Variants in LRIG3 observed in about 807,000 individuals in gnomAD.
LRIG3 encodes leucine rich repeats and immunoglobulin like domains 3, also known as leucine-rich repeats and immunoglobulin-like domains protein 3.
A neutral mutation model predicts 114.5 loss-of-function variants in LRIG3; 76 were observed. That is an observed-to-expected ratio of 0.66 (90% CI 0.55 to 0.80). The LOEUF is 0.80. Ranked by LOEUF, LRIG3 falls within the 30% of genes least tolerant of loss-of-function variation. The probability of loss-of-function intolerance (pLI) is 0.00; values close to 1 mark genes in which losing one functional copy is unlikely to be tolerated. For synonymous variants in LRIG3, 512 were observed against 519.8 expected (o/e 0.98, Z 0.20); for missense variants, 1,239 against 1,382.8 (o/e 0.90, Z 1.65).
At chr12:58,890,819 T>C (rs769883664) in intron 3 of LRIG3, 23 bp from the exon 4 acceptor site, 3 of 1,590,014 alleles carry the variant, frequency 1.9e-6, no homozygotes, top group Non-Finnish European at 2.6e-6. Flanking sequence ...GAAACCACAG[T>C]TAACAAGGTT....
rs1044963199 is a variant in LRIG3, at chr12:58,920,169, G to C, written c.67C>G (p.Arg23Gly). ...LGLLLCAVLG[R>G]AGRSDSGGRG... ...CCGCCGCTGTCTGACCGGCCAGCGC[G>C]CCCCAGCACCGCGCACAGCAGCAGC... The change falls in exon 1 of 19, where the codon CGC (arginine) becomes GGC (glycine). Residue 23 changes from arginine (R) to glycine (G), a missense_variant. Coordinates refer to ENST00000320743, the MANE Select transcript of LRIG3 (RefSeq NM_153377.5). 49 of 1,537,152 alleles carry C rather than the reference G, an allele frequency of 3.2e-5. No homozygotes were observed. Among genetic ancestry groups the C allele is most frequent in the Non-Finnish European group, 3.9e-5 (45 of 1,144,730 alleles).
At position 58,877,532 on chromosome 12, in the gene LRIG3, C is replaced by A. The variant is rs754352982; in HGVS notation, c.2404G>T (p.Asp802Tyr). The A allele has an allele frequency of 1.2e-6, 2 of 1,614,106 alleles. No homozygotes were observed. Among genetic ancestry groups the A allele is most frequent in the African/African-American group, 1.3e-5 (1 of 74,932 alleles). ...ACACCCACAGTGGCCCATCCGTCAT[C>A]GTCTAACGATGGGGCTGTCATCTGA... The part of the protein sequence containing the change: ...SPQMTAPSLD[D>Y]DGWATVGVVI... The change falls in exon 15 of 19, where the codon GAT becomes TAT. Residue 802 changes from aspartate to tyrosine, a missense_variant. By Grantham distance (160) the Asp-to-Tyr change is radical. Coordinates refer to ENST00000320743, the MANE Select transcript of LRIG3 (RefSeq NM_153377.5).
chr12:58,874,237 T>C lies in LRIG3; in HGVS notation c.2933A>G (p.Glu978Gly), dbSNP rs757083237. 7 of 1,614,196 alleles carry C rather than the reference T, an allele frequency of 4.3e-6. No individual in the cohort carries two copies. Among genetic ancestry groups the C allele is most frequent in the Non-Finnish European group, 5.9e-6 (7 of 1,180,020 alleles). Residue 978 changes from glutamate (E) to glycine (G), a missense_variant, in exon 18 of 19, where the codon GAA becomes GGA. By Grantham distance (98) the Glu-to-Gly change is moderately conservative. Coordinates refer to ENST00000320743, the MANE Select transcript of LRIG3 (RefSeq NM_153377.5). ...ACTGAAGCTCCGTTCGCAGGATTCT[T>C]CTGAAGGATGAGAACATGGGTAGCA... ...KECYPCSHPSEESCERSFSNI... is the reference protein window; with the variant it reads ...KECYPCSHPSGESCERSFSNI...
chr12:58,889,917 C>T (rs1871396139), intron 5 of LRIG3, 79 bp downstream of exon 5: 3 of 1,514,240 alleles, frequency 2.0e-6, no homozygotes, highest in African/African-American at 1.4e-5. Context: ...TCCTTTTTGC[C>T]ACATTGTAGA....
At chr12:58,888,787 C>T (rs1871358380) in intron 6 of LRIG3, 32 bp downstream of exon 6, 2 of 1,609,960 alleles carry the variant, frequency 1.2e-6, no homozygotes, top group East Asian at 2.2e-5. Context: ...GATCATACTA[C>T]CTCAGTAGGA....
chr12:58,876,632 C>A (rs756875747), intron 15 of LRIG3, 29 bp from the exon 16 acceptor site: 3 of 1,611,812 alleles, frequency 1.9e-6, no homozygotes, highest in Non-Finnish European at 2.5e-6. Flanking sequence ...ATTTTATTAA[C>A]CAAGGATGAT....
chr12:58,899,343 A>T (rs1871759059), intron 3 of LRIG3, among the ~76,000 whole-genome samples: 1 of 152,072 alleles, frequency 6.6e-6, no homozygotes, highest in African/African-American at 2.4e-5. Context: ...ATTTCCACTG[A>T]CGTCTCTTTG....
intron 4 of LRIG3, 72 bp from the exon 5 acceptor site, chr12:58,890,211 T>C: frequency 1.3e-6 from 2 of 1,510,356 alleles, no homozygotes; most frequent in Non-Finnish European, 9.1e-7. Flanking sequence ...ATCTCTGTAT[T>C]AGAAGGAGTC....
rs1450923803 is a variant in LRIG3, at chr12:58,882,888, G to A, written c.1461C>T (p.Ser487=). 1.2e-6 allele frequency: 2 copies of A among 1,613,910 alleles called. No homozygotes were observed. The highest frequency in any genetic ancestry group is 3.3e-5 in the Admixed American group (2 of 59,984). ...LLKGRSIFAV[S]PDGFVCDDFP... Reference sequence around the variant, plus strand: ...ACTCACCACACACAAAGCCATCTGGGCTAACAGCAAAAATGCTTCTTCCTT... The same window carrying A: ...ACTCACCACACACAAAGCCATCTGGACTAACAGCAAAAATGCTTCTTCCTT... The change falls in exon 12 of 19, where the codon AGC becomes AGT. Residue 487 remains serine, a synonymous_variant. Transcript: ENST00000320743.
At chr12:58,903,448 G>A (rs908114221) in intron 3 of LRIG3, among the ~76,000 whole-genome samples, 28 of 152,250 alleles carry the variant, frequency 1.8e-4, no homozygotes, top group African/African-American at 6.0e-4. Context: ...TGAGTTCATT[G>A]TGGATTCTGG....
chr12:58,879,287 T>C (rs1040418880), intron 13 of LRIG3, among the ~76,000 whole-genome samples, 182 bp from the exon 14 acceptor site: 2 of 152,234 alleles, frequency 1.3e-5, no homozygotes, highest in Non-Finnish European at 2.9e-5. Flanking sequence ...ATTAAAAGGC[T>C]TGCTCAAGGT....
At chr12:58,874,698 T>A in intron 16 of LRIG3, 125 bp from the exon 17 acceptor site, 1 of 1,265,962 alleles carries the variant, frequency 7.9e-7, no homozygotes, top group South Asian at 1.5e-5. Context: ...GACAAAAAAA[T>A]TGCAAAAATT....
chr12:58,873,150 G>A (rs1353679953), intron 18 of LRIG3, among the ~76,000 whole-genome samples: 1 of 152,144 alleles, frequency 6.6e-6, no homozygotes, highest in African/African-American at 2.4e-5. Context: ...CCCAATTTTG[G>A]TGACGGGTGT....
chr12:58,879,657 A>G (rs1339453802), intron 13 of LRIG3, among the ~76,000 whole-genome samples: 2 of 152,256 alleles, frequency 1.3e-5, no homozygotes, highest in African/African-American at 4.8e-5. Flanking sequence ...ATAAAGTGGC[A>G]AGGATCCTAC....
chr12:58,903,206 A>G (rs558292225), intron 3 of LRIG3, among the ~76,000 whole-genome samples: 22 of 152,216 alleles, frequency 1.4e-4, no homozygotes, highest in African/African-American at 4.6e-4. Context: ...AAGTGTTCCT[A>G]TTTCTCCACA....
intron 8 of LRIG3, 148 bp downstream of exon 8, chr12:58,887,641 T>C (rs866172601): frequency 3.3e-5 from 26 of 792,544 alleles, no homozygotes; most frequent in Non-Finnish European, 4.0e-5. Flanking sequence ...ATGGATCCAT[T>C]GTAATCAAAC....
intron 3 of LRIG3, among the ~76,000 whole-genome samples, chr12:58,909,133 C>T (rs1221104028): frequency 1.3e-5 from 2 of 152,142 alleles, no homozygotes; most frequent in African/African-American, 2.4e-5. Context: ...CCTCTTTGGC[C>T]ACATGCTTCC....
At chr12:58,900,482 GA>G (rs1404434411) in intron 3 of LRIG3, among the ~76,000 whole-genome samples, 4 of 152,076 alleles carry the variant, frequency 2.6e-5, no homozygotes, top group African/African-American at 9.7e-5. Flanking sequence ...GGAGCAGAGT[GA>G]AATAAATGCA....
chr12:58,895,822 C>A (rs1205781987), intron 3 of LRIG3, among the ~76,000 whole-genome samples: 4 of 152,176 alleles, frequency 2.6e-5, no homozygotes, highest in Non-Finnish European at 5.9e-5. Context: ...TGACGAGCGA[C>A]CTTGATGCCC....
Sources: gnomAD v4.1 joint callset for allele counts (sites outside exome capture counted in the v4.1 genomes callset) on GRCh38, gnomAD v4.1.1 for gene constraint, MANE v1.5 for transcripts, NCBI Gene and HGNC (gene_info 2026-07-23, HGNC 2026-07-21) for gene names.